Variants in CCAR1 observed in about 807,000 individuals in gnomAD.
The protein encoded by CCAR1 is cell division cycle and apoptosis regulator protein 1.
A neutral mutation model predicts 163.8 loss-of-function variants in CCAR1; 78 were observed. The ratio of observed to expected loss-of-function variants is 0.48; its 90% CI spans 0.40 to 0.57. The LOEUF (loss-of-function observed/expected upper bound fraction) is 0.57, where lower values mean the gene tolerates loss of function less well. Ranked by LOEUF, CCAR1 falls within the 20% of genes least tolerant of loss-of-function variation. The pLI, the probability that CCAR1 is intolerant of heterozygous loss-of-function variation, is 0.00. For synonymous variants in CCAR1, 443 were observed against 460.7 expected (o/e 0.96, Z 0.49); for missense variants, 1,019 against 1,365.2 (o/e 0.75, Z 4.00).
At chr10:68,741,981 A>G (rs569924145) in intron 5 of CCAR1, among the ~76,000 whole-genome samples, 1 of 152,318 alleles carries the variant, frequency 6.6e-6, no homozygotes, top group East Asian at 1.9e-4. Flanking sequence ...AAGTAGAAAA[A>G]CAATAGAAGT....
intron 2 of CCAR1, among the ~76,000 whole-genome samples, chr10:68,734,962 C>T (rs145574458): frequency 6.6e-6 from 1 of 152,268 alleles, no homozygotes; most frequent in Non-Finnish European, 1.5e-5. Flanking sequence ...GAGCCCCTCT[C>T]CCCAATTTTT....
intron 12 of CCAR1, chr10:68,755,058 CAT>C (rs1354647681): frequency 6.7e-6 from 4 of 599,926 alleles, no homozygotes; most frequent in South Asian, 4.0e-5. Flanking sequence ...ATATTTGTAA[CAT>C]AGTAGAATAT....
intron 5 of CCAR1, among the ~76,000 whole-genome samples, chr10:68,741,273 T>G (rs2056180667): frequency 6.6e-6 from 1 of 152,138 alleles, no homozygotes; most frequent in African/African-American, 2.4e-5. Flanking sequence ...TTTTGTAGTC[T>G]TTTTCTTTTG....
At chr10:68,738,250 A>G (rs888905928) in intron 4 of CCAR1, among the ~76,000 whole-genome samples, 1 of 152,046 alleles carries the variant, frequency 6.6e-6, no homozygotes, top group Non-Finnish European at 1.5e-5. Flanking sequence ...CCCCATCTCT[A>G]CTAAAAATAC....
At chr10:68,755,335 G>A (rs757584630) in intron 12 of CCAR1, 35 bp from the exon 13 acceptor site, 13 of 1,575,562 alleles carry the variant, frequency 8.3e-6, no homozygotes, top group Admixed American at 1.7e-5. Flanking sequence ...GACAGGGTGC[G>A]TAATATATGT....
chr10:68,732,333 C>A (rs973753477), intron 2 of CCAR1, among the ~76,000 whole-genome samples: 1 of 150,226 alleles, frequency 6.7e-6, no homozygotes, highest in African/African-American at 2.5e-5. Flanking sequence ...ATTACCAGAA[C>A]AGTTTTGTTT....
At chr10:68,780,599 G>C (rs868465615) in intron 19 of CCAR1, among the ~76,000 whole-genome samples, 1 of 151,880 alleles carries the variant, frequency 6.6e-6, no homozygotes, top group African/African-American at 2.4e-5. Flanking sequence ...TTTTTGCACT[G>C]CACTTTATTG....
chr10:68,785,925 A>C (rs188912475), intron 19 of CCAR1, among the ~76,000 whole-genome samples: 132 of 152,176 alleles, frequency 8.7e-4, no homozygotes, highest in Non-Finnish European at 1.5e-3. Context: ...TTTTAGCATA[A>C]GGTTTTCTCT....
chr10:68,778,613 C>A (rs1329605404), intron 19 of CCAR1, among the ~76,000 whole-genome samples: 1 of 152,126 alleles, frequency 6.6e-6, no homozygotes, highest in East Asian at 1.9e-4. Context: ...TCTACCCCTA[C>A]ACTTGAATAA....
Position 68,755,432 on chromosome 10 carries a change from G to C in CCAR1, c.1521G>C (p.Ser507=), listed in dbSNP as rs369724620. 1 of 1,614,100 alleles carries C rather than the reference G, an allele frequency of 6.2e-7. No individual in the cohort carries two copies. The highest frequency in any genetic ancestry group is 1.1e-5 in the South Asian group (1 of 91,078). The change falls in exon 13 of 25, where the codon TCG becomes TCC. Residue 507 remains serine, a synonymous_variant. Coordinates refer to ENST00000265872, the MANE Select transcript of CCAR1 (RefSeq NM_018237.4). ...CCATTGGAGGCCACTGGTCTCCTTCGTTGGATGGACCAGACCCAGAAAAAG... is the reference window on the plus strand; with the variant it reads ...CCATTGGAGGCCACTGGTCTCCTTCCTTGGATGGACCAGACCCAGAAAAAG... ...AMAIGGHWSP[S]LDGPDPEKDP... is the part of the protein sequence containing the mutation.
At chr10:68,779,414 A>T (rs60243179) in intron 19 of CCAR1, among the ~76,000 whole-genome samples, 1,731 of 151,670 alleles carry the variant, frequency 0.011, 38 homozygotes, top group African/African-American at 0.039. Context: ...ATGCACCACC[A>T]TGCCCGGTTA....
At chr10:68,760,398 A>G (rs1438302070) in intron 15 of CCAR1, among the ~76,000 whole-genome samples, 1 of 152,056 alleles carries the variant, frequency 6.6e-6, no homozygotes, top group Non-Finnish European at 1.5e-5. Flanking sequence ...TCCCCCTTCT[A>G]TTTAGGATGT....
At chr10:68,784,903 G>A (rs983556823) in intron 19 of CCAR1, among the ~76,000 whole-genome samples, 1 of 149,686 alleles carries the variant, frequency 6.7e-6, no homozygotes, top group South Asian at 2.1e-4. Flanking sequence ...CTTGATTATA[G>A]TGTGAACATA....
intron 19 of CCAR1, among the ~76,000 whole-genome samples, chr10:68,776,073 C>A (rs958615627): frequency 6.6e-6 from 1 of 151,954 alleles, no homozygotes; most frequent in Non-Finnish European, 1.5e-5. Context: ...TCGTGATTTA[C>A]CCGCCTCAGC....
chr10:68,738,141 G>A lies in CCAR1; in HGVS notation c.291+252G>A, dbSNP rs117411973. On this transcript the variant is annotated intron_variant, in intron 4 of 24. Coordinates refer to ENST00000265872, the MANE Select transcript of CCAR1 (RefSeq NM_018237.4). ...CTAAGAAAGTATGAGGAGGCTGGGC[G>A]CAGTGGCTCATGCCTGTAATCCCAG... 8.6e-3 allele frequency among the ~76,000 whole-genome samples: 1,316 copies of A among 152,296 alleles called. 10 individuals are homozygous for A. Among genetic ancestry groups the A allele is most frequent in the Non-Finnish European group, 0.013 (854 of 68,022 alleles).
rs2056401780 is a variant in CCAR1 at position 68,756,840 on chromosome 10, C to A, written c.1836+357C>A. Among the ~76,000 whole-genome samples, 1 of 152,140 alleles carries A rather than the reference C, an allele frequency of 6.6e-6. No individual in the cohort carries two copies. The highest frequency in any genetic ancestry group is 6.5e-5 in the Admixed American group (1 of 15,270). Reference sequence around the variant, plus strand: ...CATTTTCTAAAATTTAAAAAATTTTCTTTTTCATGGTCATCAGTTCTAGTC... The same window carrying A: ...CATTTTCTAAAATTTAAAAAATTTTATTTTTCATGGTCATCAGTTCTAGTC... On this transcript the variant is annotated intron_variant, in intron 14 of 24. Transcript: ENST00000265872. The surrounding 1 kb of genome is among the most constrained non-coding windows in gnomAD (Gnocchi z 5.1).
At position 68,771,274 on chromosome 10, in the gene CCAR1, A is replaced by G. The variant is rs746967209; in HGVS notation, c.2367A>G (p.Ser789=). 6.2e-7 allele frequency: 1 copy of G among 1,606,624 alleles called. No homozygotes were observed. The highest frequency in any genetic ancestry group is 1.1e-5 in the South Asian group (1 of 88,894). Residue 789 remains serine, a synonymous_variant, in exon 18 of 25, where the codon TCA becomes TCG. Coordinates refer to ENST00000265872, the MANE Select transcript of CCAR1 (RefSeq NM_018237.4). ...ATTTTGGTGTCCGTATATACAAATC[A>G]TTACTGTCTCTTCCTGAGAAAGAGG... ...QRDFGVRIYK[S]LLSLPEKEDK...
intron 19 of CCAR1, among the ~76,000 whole-genome samples, chr10:68,774,439 T>C (rs945418204): frequency 2.0e-5 from 3 of 151,780 alleles, no homozygotes; most frequent in African/African-American, 7.3e-5. Flanking sequence ...GGGGTTCAAG[T>C]CCAGCCTGGT....
chr10:68,770,634 C>T (rs1160247363), intron 17 of CCAR1, among the ~76,000 whole-genome samples: 1 of 151,874 alleles, frequency 6.6e-6, no homozygotes, highest in African/African-American at 2.4e-5. Flanking sequence ...TCTCAGCCAC[C>T]CGGGAGACTG....
Sources: gnomAD v4.1 joint callset for allele counts (sites outside exome capture counted in the v4.1 genomes callset) on GRCh38, gnomAD v4.1.1 for gene constraint, Gnocchi (gnomAD v3.1) non-coding constraint, MANE v1.5 for transcripts, NCBI Gene and HGNC (gene_info 2026-07-23, HGNC 2026-07-21) for gene names.